The following MYCBP2 variants were observed in gnomAD, a reference collection of about 807,000 sequenced individuals.
MYCBP2 encodes E3 ubiquitin-protein ligase MYCBP2.
A neutral mutation model predicts 525.3 loss-of-function variants in MYCBP2; 120 were observed. The observed-to-expected ratio is 0.23, with a 90% CI of 0.20 to 0.27. The LOEUF (loss-of-function observed/expected upper bound fraction) is 0.27, where lower values mean the gene tolerates loss of function less well. Ranked by LOEUF, MYCBP2 falls within the 10% of genes least tolerant of loss-of-function variation. MYCBP2 has a pLI of 1.00. For missense variants in MYCBP2, 4,149 were observed against 5,657.1 expected, an observed-to-expected ratio of 0.73 and a Z score of 8.55; for synonymous variants, 1,894 against 1,955.8, an observed-to-expected ratio of 0.97 and a Z score of 0.83.
Position 77,185,229 on chromosome 13 carries a change from G to A in MYCBP2, c.4593C>T (p.Pro1531=), listed in dbSNP as rs1260731963. 1 of 1,614,128 alleles carries A rather than the reference G, an allele frequency of 6.2e-7. No individual in the cohort carries two copies. Among genetic ancestry groups the A allele is most frequent in the Non-Finnish European group, 8.5e-7 (1 of 1,180,012 alleles). The change falls in exon 32 of 83, where the codon CCC becomes CCT. Residue 1531 remains proline, a synonymous_variant. Transcript: ENST00000544440. ...GAAGGACAGCTTCTAGAAGACTCAA[G>A]GGTTGACTGAGATATCCTTGAGGAT... ...DNDPQGYLSQ[P]LSLLEAVLQE... is the part of the protein sequence containing the mutation.
At chr13:77,205,444 C>G in intron 25 of MYCBP2, 29 bp downstream of exon 25, 6 of 1,611,704 alleles carry the variant, frequency 3.7e-6, no homozygotes, top group Non-Finnish European at 5.1e-6. Flanking sequence ...AGTTGTAAGA[C>G]AACATTTCCT....
At chr13:77,104,718 A>T (rs1258629053) in intron 55 of MYCBP2, among the ~76,000 whole-genome samples, 1 of 152,096 alleles carries the variant, frequency 6.6e-6, no homozygotes, top group Admixed American at 6.6e-5. Context: ...AGTAAAACTG[A>T]CACCTTAGAA....
chr13:77,208,961 C>A (rs923765353), intron 23 of MYCBP2, among the ~76,000 whole-genome samples: 1 of 152,028 alleles, frequency 6.6e-6, no homozygotes, highest in East Asian at 1.9e-4. Flanking sequence ...GAAGGAAAGT[C>A]AAAGTAAGCT....
At chr13:77,248,336 A>G (rs2154324049) in intron 15 of MYCBP2, among the ~76,000 whole-genome samples, 1 of 152,270 alleles carries the variant, frequency 6.6e-6, no homozygotes, top group South Asian at 2.1e-4. Flanking sequence ...CAACCCACAG[A>G]CAGAACTTTT....
At chr13:77,206,597 A>C (rs1283147476) in intron 24 of MYCBP2, 56 bp downstream of exon 24, 2 of 1,411,464 alleles carry the variant, frequency 1.4e-6, no homozygotes, top group Non-Finnish European at 1.9e-6. Flanking sequence ...TCTAAAAAAA[A>C]ACCCTGGACA....
chr13:77,254,695 T>G (rs2071849600), intron 14 of MYCBP2, among the ~76,000 whole-genome samples: 1 of 151,854 alleles, frequency 6.6e-6, no homozygotes, highest in Non-Finnish European at 1.5e-5. Context: ...TCCTGAACAT[T>G]AGAACTTATT....
At chr13:77,225,376 A>C in intron 19 of MYCBP2, 59 bp downstream of exon 19, 1 of 1,604,840 alleles carries the variant, frequency 6.2e-7, no homozygotes, top group Non-Finnish European at 8.5e-7. Flanking sequence ...AATCTGAAGA[A>C]ATAAGTTACT....
intron 16 of MYCBP2, 142 bp downstream of exon 16, chr13:77,243,664 G>T (rs1594267486): frequency 2.7e-5 from 16 of 603,428 alleles, no homozygotes; most frequent in Admixed American, 3.9e-5. Flanking sequence ...ATGTCATATT[G>T]TCAGTTACCG....
At chr13:77,055,524 T>C in intron 80 of MYCBP2, 34 bp downstream of exon 80, 1 of 1,565,582 alleles carries the variant, frequency 6.4e-7, no homozygotes, top group Admixed American at 1.7e-5. Flanking sequence ...TAAGCTCTAG[T>C]TTTTAAAACT....
intron 18 of MYCBP2, among the ~76,000 whole-genome samples, chr13:77,231,218 G>A (rs1465823662): frequency 6.6e-6 from 1 of 152,160 alleles, no homozygotes; most frequent in African/African-American, 2.4e-5. Flanking sequence ...GTGGTTACAA[G>A]TATACAAAGA....
At chr13:77,295,969 A>C (rs577497828) in intron 2 of MYCBP2, among the ~76,000 whole-genome samples, 4 of 152,204 alleles carry the variant, frequency 2.6e-5, no homozygotes, top group African/African-American at 4.8e-5. Context: ...CCCAGTTTAC[A>C]AGCTAATTTT....
intron 1 of MYCBP2, among the ~76,000 whole-genome samples, chr13:77,314,608 C>G (rs1457266689): frequency 6.6e-6 from 1 of 152,070 alleles, no homozygotes; most frequent in Non-Finnish European, 1.5e-5. Context: ...GGTTGAGTGG[C>G]AGAGAAACAG....
intron 3 of MYCBP2, among the ~76,000 whole-genome samples, chr13:77,279,837 T>A (rs2076006183): frequency 6.6e-6 from 1 of 152,226 alleles, no homozygotes; most frequent in Non-Finnish European, 1.5e-5. Flanking sequence ...ATATAATTCA[T>A]ACTCAATACA....
intron 18 of MYCBP2, among the ~76,000 whole-genome samples, chr13:77,230,245 AC>A (rs2066943025): frequency 1.3e-5 from 2 of 152,150 alleles, no homozygotes; most frequent in South Asian, 2.1e-4. Flanking sequence ...CTCTCCTTAC[AC>A]CCTCACAAAA....
At chr13:77,080,757 C>T (rs2043159475) in intron 65 of MYCBP2, 1 of 152,132 alleles carries the variant, frequency 6.6e-6, no homozygotes, top group African/African-American at 2.4e-5. Context: ...GCCTGGACAA[C>T]ATGGTGAAAC....
intron 80 of MYCBP2, among the ~76,000 whole-genome samples, 176 bp downstream of exon 80, chr13:77,055,382 C>CAAACAAGTTAAGT (rs1472521486): frequency 6.6e-6 from 1 of 152,150 alleles, no homozygotes; most frequent in African/African-American, 2.4e-5. Flanking sequence ...AAAGAATCCC[C>CAAACAAGTTAAGT]AAACAAGTTA....
At chr13:77,272,147 G>A (rs1229287185) in intron 5 of MYCBP2, among the ~76,000 whole-genome samples, 1 of 152,258 alleles carries the variant, frequency 6.6e-6, no homozygotes, top group Non-Finnish European at 1.5e-5. Flanking sequence ...CTGTGGCTAC[G>A]CTATTTGACA....
At chr13:77,172,049 C>T (rs1030703811) in intron 37 of MYCBP2, among the ~76,000 whole-genome samples, 4 of 152,036 alleles carry the variant, frequency 2.6e-5, no homozygotes, top group Non-Finnish European at 5.9e-5. Context: ...TATAGGCATG[C>T]ACCACCACGC....
chr13:77,289,279 TAA>T (rs1205755530), intron 2 of MYCBP2, among the ~76,000 whole-genome samples: 1 of 152,026 alleles, frequency 6.6e-6, no homozygotes, highest in Non-Finnish European at 1.5e-5. Flanking sequence ...AATATATGTA[TAA>T]GAGATATTAC....
Sources: allele counts gnomAD v4.1 joint callset (sites outside exome capture counted in the v4.1 genomes callset), GRCh38; gene constraint gnomAD v4.1.1; transcripts MANE v1.5; gene names NCBI Gene and HGNC (gene_info 2026-07-23, HGNC 2026-07-21).